The following NOXA1 variants were observed in gnomAD, a reference collection of about 807,000 sequenced individuals.
NOXA1 encodes NCF2-like protein.
Under a neutral mutation model 64.8 loss-of-function variants are expected in NOXA1, and 56 were observed. That is an observed-to-expected ratio of 0.86 (90% confidence interval 0.70 to 1.08). The LOEUF is 1.08. Ranked by LOEUF, NOXA1 falls within the 50% of genes least tolerant of loss-of-function variation. The pLI, the probability that NOXA1 is intolerant of heterozygous loss-of-function variation, is 0.00. For missense variants in NOXA1, 668 were observed against 658.5 expected (o/e 1.01, Z -0.16); for synonymous variants, 295 against 294.8 (o/e 1.00, Z -0.01).
At chr9:137,424,952 A>G (rs748812803) in intron 1 of NOXA1, among the ~76,000 whole-genome samples, 9 of 152,234 alleles carry the variant, frequency 5.9e-5, no homozygotes, top group Non-Finnish European at 1.2e-4. Context: ...CAGATGGAAC[A>G]GCTATGATTC....
Position 137,433,576 on chromosome 9 carries a change from C to G in NOXA1, c.1033C>G (p.Leu345Val). Residue 345 changes from leucine to valine, a missense_variant, in exon 11 of 14, where the codon CTC (leucine) becomes GTC (valine). Leu to Val is a conservative substitution (Grantham distance 32). Transcript: ENST00000683555. ...SSLRALLGQA[L>V]PHQAQLGQLS... ...CCTGCGGGCACTGCTGGGCCAAGCC[C>G]TCCCTCACCAGGCCCAGCTTGGGCA... 1 of 1,561,172 alleles carries G rather than the reference C, an allele frequency of 6.4e-7. No homozygotes were observed. The highest frequency in any genetic ancestry group is 8.7e-7 in the Non-Finnish European group (1 of 1,155,052).
Position 137,428,995 on chromosome 9 carries a change from C to T in NOXA1, c.483C>T (p.Asp161=). The T allele has an allele frequency of 6.3e-7, 1 of 1,589,762 alleles. No homozygotes were observed. The highest frequency in any genetic ancestry group is 8.6e-7 in the Non-Finnish European group (1 of 1,167,244). The part of the protein sequence containing the change: ...KWPEGSLNGL[D]SALDQVQRRG... ...CGGAGGGGTCCCTGAATGGCCTGGA[C>T]TCAGCCCTGGACCAAGTGCAGGTGA... Residue 161 remains aspartate, a synonymous_variant, in exon 4 of 14, where the codon GAC becomes GAT. Coordinates refer to ENST00000683555, the MANE Select transcript of NOXA1 (RefSeq NM_001256067.2).
chr9:137,430,788 T>A lies in NOXA1; in HGVS notation c.617T>A (p.Val206Glu). The part of the protein sequence containing the change: ...PVDFLGKAKV[V>E]ASAIPDDQGW... ...CGTCCCCACTGTCCCCGCCAGGTGGTGGCCTCTGCCATCCCCGACGACCAG... is the reference window on the plus strand; with the variant it reads ...CGTCCCCACTGTCCCCGCCAGGTGGAGGCCTCTGCCATCCCCGACGACCAG... The change falls in exon 6 of 14, where the codon GTG becomes GAG. Residue 206 changes from valine to glutamate, a missense_variant. Physicochemically the swap from Val to Glu is moderately radical, Grantham distance 121 (BLOSUM62 -2). Coordinates refer to ENST00000683555, the MANE Select transcript of NOXA1 (RefSeq NM_001256067.2). 6.3e-7 allele frequency: 1 copy of A among 1,594,818 alleles called. No individual in the cohort carries two copies. The highest frequency in any genetic ancestry group is 8.5e-7 in the Non-Finnish European group (1 of 1,175,936).
chr9:137,431,400 A>G lies in NOXA1; in HGVS notation c.804+59A>G. 1 of 1,365,208 alleles carries G rather than the reference A, an allele frequency of 7.3e-7. No homozygotes were observed. Among genetic ancestry groups the G allele is most frequent in the Non-Finnish European group, 1.0e-6 (1 of 970,106 alleles). The allele number at this position is 1,365,208 out of a possible 1,614,324, so 84.6% of individuals were successfully genotyped here. A position where few individuals can be genotyped will look rare whatever the true frequency, so the allele number is the denominator to read the frequency against. ...GTCGGTGCTTCTGCTGCCTCCGCAG[A>G]CTGGGGACCACAATGGGACCAACAT... On this transcript the variant is annotated intron_variant, in intron 8 of 13. Coordinates refer to ENST00000683555, the MANE Select transcript of NOXA1 (RefSeq NM_001256067.2). This position sits in a 1 kb window ranked among gnomAD's most constrained non-coding sequence, Gnocchi z 5.6.
chr9:137,430,759 C>G, intron 5 of NOXA1, 25 bp from the exon 6 acceptor site: 1 of 1,584,018 alleles, frequency 6.3e-7, no homozygotes, highest in Non-Finnish European at 8.5e-7. Flanking sequence ...GATCCCTGAC[C>G]CAGCGTCCCC....
At position 137,428,115 on chromosome 9, in the gene NOXA1, C is replaced by T. The variant is rs1445963440; in HGVS notation, c.343C>T (p.Leu115=). ...HAAIDYTQLG[L]RFKLQAWEVL... is the part of the protein sequence containing the mutation. ...TGCCATCGACTACACGCAGCTGGGC[C>T]TGCGGTTCAAGCTGCAAGCCTGGGA... The change falls in exon 3 of 14, where the codon CTG becomes TTG. Residue 115 remains leucine, a synonymous_variant. Transcript: ENST00000683555. 1 of 1,575,776 alleles carries T rather than the reference C, an allele frequency of 6.3e-7. No individual in the cohort carries two copies. Among genetic ancestry groups the T allele is most frequent in the East Asian group, 2.3e-5 (1 of 43,278 alleles).
intron 2 of NOXA1, among the ~76,000 whole-genome samples, chr9:137,426,863 C>T (rs1050335677): frequency 1.3e-5 from 2 of 152,240 alleles, no homozygotes; most frequent in African/African-American, 4.8e-5. Context: ...ATTGTGCGAT[C>T]TCGGCTCACT....
In NOXA1 at chr9:137,434,237, GC is replaced by G; in HGVS notation, c.1309del (p.Leu437TrpfsTer?). 6.2e-7 allele frequency: 1 copy of G among 1,610,184 alleles called. No individual in the cohort carries two copies. The highest frequency in any genetic ancestry group is 8.5e-7 in the Non-Finnish European group (1 of 1,179,338). On this transcript the variant is annotated frameshift_variant, in exon 14 of 14. Coordinates refer to ENST00000683555, the MANE Select transcript of NOXA1 (RefSeq NM_001256067.2). LOFTEE classifies it low-confidence loss of function (END_TRUNC). ...TCCCCCTTGCAGTGGACCAGGCATG[GC>G]TGGAGGGCCACTGTGACGGCCGCAT... is the stretch of plus-strand genomic sequence containing the variant. Reference protein sequence around the residue: ...DVLCEVDQAWLEGHCDGRIGI... With the variant: ...DVLCEVDQAWXEGHCDGRIGI...
At chr9:137,428,521 C>T (rs1482838205) in intron 3 of NOXA1, among the ~76,000 whole-genome samples, 4 of 151,848 alleles carry the variant, frequency 2.6e-5, no homozygotes, top group East Asian at 1.9e-4. Flanking sequence ...GGAAATGCAT[C>T]GCCCTGAAGC....
intron 8 of NOXA1, 81 bp from the exon 9 acceptor site, chr9:137,432,948 C>G (rs1478742115): frequency 3.0e-5 from 44 of 1,487,734 alleles, no homozygotes; most frequent in Non-Finnish European, 4.0e-5. Flanking sequence ...AGGCCACACC[C>G]TTGGTGTGGG....
Position 137,428,976 on chromosome 9 carries a change from G to T in NOXA1, c.464G>T (p.Gly155Val), listed in dbSNP as rs1228595597. 6.3e-7 allele frequency: 1 copy of T among 1,598,380 alleles called. No homozygotes were observed. The highest frequency in any genetic ancestry group is 8.5e-7 in the Non-Finnish European group (1 of 1,172,730). ...GAGGCCATGTCCAAGTGGCCGGAGG[G>T]GTCCCTGAATGGCCTGGACTCAGCC... Reference protein sequence around the residue: ...LREAMSKWPEGSLNGLDSALD... With the variant: ...LREAMSKWPEVSLNGLDSALD... The change falls in exon 4 of 14, where the codon GGG (glycine) becomes GTG (valine). Residue 155 changes from glycine to valine, a missense_variant. Gly to Val is a moderately radical substitution (Grantham distance 109, BLOSUM62 -3). Transcript: ENST00000683555.
chr9:137,429,317 G>T lies in NOXA1; in HGVS notation c.546G>T (p.Glu182Asp). The T allele has an allele frequency of 6.3e-7, 1 of 1,578,498 alleles. No individual in the cohort carries two copies. Among genetic ancestry groups the T allele is most frequent in the East Asian group, 2.3e-5 (1 of 43,416 alleles). Residue 182 changes from glutamate (E) to aspartate (D), a missense_variant, in exon 5 of 14, where the codon GAG becomes GAT. Glu to Asp is a conservative substitution (Grantham distance 45, BLOSUM62 2). Coordinates refer to ENST00000683555, the MANE Select transcript of NOXA1 (RefSeq NM_001256067.2). The stretch of plus-strand genomic sequence containing the variant: ...CGCCACGGCAGGTCCCCAGGGGCGA[G>T]GTCTTCCGGCCCCACCGGTGGCACC... Reference protein sequence around the residue: ...SLPPRQVPRGEVFRPHRWHLK... With the variant: ...SLPPRQVPRGDVFRPHRWHLK...
intron 1 of NOXA1, among the ~76,000 whole-genome samples, chr9:137,424,263 G>T (rs1468728846): frequency 6.6e-6 from 1 of 152,200 alleles, no homozygotes; most frequent in Admixed American, 6.5e-5. Flanking sequence ...GTTACTGAAG[G>T]CTCGGTGACA....
In NOXA1 at chr9:137,434,318, C is replaced by T; in HGVS notation, c.1389C>T (p.Ala463=). 1 of 1,608,888 alleles carries T rather than the reference C, an allele frequency of 6.2e-7. No individual in the cohort carries two copies. The highest frequency in any genetic ancestry group is 8.5e-7 in the Non-Finnish European group (1 of 1,178,700). The change falls in exon 14 of 14, where the codon GCC becomes GCT. Residue 463 remains alanine, a synonymous_variant. Transcript: ENST00000683555. ...VVPAGPRMSG[A]PGRLPRSQQG... is the part of the protein sequence containing the mutation. Reference sequence around the variant, plus strand: ...CCGCCGGCCCTCGGATGTCAGGAGCCCCCGGCCGCCTGCCCCGATCCCAGC... The same window carrying T: ...CCGCCGGCCCTCGGATGTCAGGAGCTCCCGGCCGCCTGCCCCGATCCCAGC...
chr9:137,429,080 T>C, intron 4 of NOXA1, 64 bp downstream of exon 4: 2 of 1,464,142 alleles, frequency 1.4e-6, no homozygotes, highest in Non-Finnish European at 1.8e-6. Context: ...CAAGACCAAT[T>C]TCATGAGATG....
In NOXA1 at chr9:137,434,049, CA is replaced by C; in HGVS notation, c.1265del (p.Gln422ArgfsTer?). 1 of 1,577,336 alleles carries C rather than the reference CA, an allele frequency of 6.3e-7. No homozygotes were observed. Among genetic ancestry groups the C allele is most frequent in the Non-Finnish European group, 8.6e-7 (1 of 1,166,412 alleles). On this transcript the variant is annotated frameshift_variant, in exon 13 of 14. Coordinates refer to ENST00000683555, the MANE Select transcript of NOXA1 (RefSeq NM_001256067.2). LOFTEE classifies it low-confidence loss of function (END_TRUNC). ...GGGGCCAGAGGACCTGGGCTTCCGA[CA>C]GGGGGACACGGTGGACGTCCTGTGT... is the stretch of plus-strand genomic sequence containing the variant. ...AQGPEDLGFR[Q>X]GDTVDVLCEV...
At chr9:137,425,018 C>T (rs1838790869) in intron 1 of NOXA1, among the ~76,000 whole-genome samples, 1 of 152,262 alleles carries the variant, frequency 6.6e-6, no homozygotes, top group Non-Finnish European at 1.5e-5. Context: ...GCTGGAACTG[C>T]TGTCTCTTGT....
At chr9:137,424,470 C>G (rs1228885572) in intron 1 of NOXA1, among the ~76,000 whole-genome samples, 1 of 152,194 alleles carries the variant, frequency 6.6e-6, no homozygotes, top group African/African-American at 2.4e-5. Context: ...GAGTCTCGTT[C>G]TGTCACCCAG....
intron 1 of NOXA1, among the ~76,000 whole-genome samples, chr9:137,424,619 A>G (rs1838762087): frequency 6.6e-6 from 1 of 152,108 alleles, no homozygotes; most frequent in African/African-American, 2.4e-5. Flanking sequence ...TAGTATTTTT[A>G]GTAGAAACGG....
Sources: gnomAD v4.1 joint callset for allele counts (sites outside exome capture counted in the v4.1 genomes callset) on GRCh38, gnomAD v4.1.1 for gene constraint, Gnocchi (gnomAD v3.1) non-coding constraint, MANE v1.5 for transcripts, NCBI Gene and HGNC (gene_info 2026-07-23, HGNC 2026-07-21) for gene names.